PBRM1: variants seen among roughly 807,000 people sequenced by gnomAD.
PBRM1 encodes the protein polybromo 1.
Under a neutral mutation model 194.5 loss-of-function variants are expected in PBRM1, and 27 were observed. That is an observed-to-expected ratio of 0.14 (90% confidence interval 0.10 to 0.19). The LOEUF is 0.19. Ranked by LOEUF, PBRM1 falls within the 10% of genes least tolerant of loss-of-function variation. PBRM1 has a pLI of 1.00. For synonymous variants in PBRM1, 655 were observed against 693.2 expected (o/e 0.94, Z 0.87); for missense variants, 1,466 against 2,077.2 (o/e 0.71, Z 5.72).
In PBRM1 at chr3:52,548,025, T is replaced by G. The variant is rs780357089; in HGVS notation, c.*38A>C. 16 of 1,554,066 alleles carry G rather than the reference T, an allele frequency of 1.0e-5. No homozygotes were observed. The East Asian group carries it at 3.5e-4, about 34-fold the overall frequency. Reference sequence around the variant, plus strand: ...ACTAAAATGGCTACTGATCCACAACTCTTTATGCTTCTATATAAAAGAAAC... The same window carrying G: ...ACTAAAATGGCTACTGATCCACAACGCTTTATGCTTCTATATAAAAGAAAC... On this transcript the variant is annotated 3_prime_UTR_variant, in exon 30 of 30. Transcript: ENST00000296302.
chr3:52,611,099 G>A (rs952861708), intron 15 of PBRM1, among the ~76,000 whole-genome samples: 2 of 152,104 alleles, frequency 1.3e-5, no homozygotes, highest in African/African-American at 4.8e-5. Flanking sequence ...AAGGATGTTA[G>A]TAAACCAATA....
rs1359445433 is a variant in PBRM1, at chr3:52,608,961, G to A, written c.2567+352C>T. 4 of 211,776 alleles carry A rather than the reference G, an allele frequency of 1.9e-5. No individual in the cohort carries two copies. The East Asian group carries it at 4.9e-4, about 26-fold the overall frequency. The allele number at this position is 211,776 out of a possible 1,614,324, so 13.1% of individuals were successfully genotyped here. ...ATTTTATTTAAAGCATTCGTGCACT[G>A]AAGCCAAACCTTAAAAGAAAAACGC... On this transcript the variant is annotated intron_variant, in intron 16 of 29. Transcript: ENST00000296302.
intron 8 of PBRM1, among the ~76,000 whole-genome samples, chr3:52,644,019 C>T (rs1327536542): frequency 6.6e-6 from 1 of 151,646 alleles, no homozygotes. Context: ...CAGGATGAGA[C>T]TGGATCTCCT....
downstream of PBRM1, chr3:52,547,442 G>C (rs771323226): frequency 2.6e-5 from 6 of 233,302 alleles, no homozygotes; most frequent in African/African-American, 6.6e-5. Context: ...TGAGTTAATA[G>C]AGCAAATGTG....
intron 2 of PBRM1, among the ~76,000 whole-genome samples, chr3:52,675,097 A>G (rs1188564413): frequency 6.6e-6 from 1 of 152,230 alleles, no homozygotes; most frequent in African/African-American, 2.4e-5. Context: ...GAGTTCTAGG[A>G]AAACATGTAT....
At chr3:52,575,226 CCAAACAAACAAA>C (rs71084192) in intron 22 of PBRM1, among the ~76,000 whole-genome samples, 4 of 150,954 alleles carry the variant, frequency 2.6e-5, no homozygotes, top group African/African-American at 9.7e-5. Flanking sequence ...TTAAAACAAA[CCAAACAAACAAA>C]CAAACAAACA....
chr3:52,576,722 T>C, intron 21 of PBRM1, 24 bp from the exon 24 acceptor site: 1 of 1,540,146 alleles, frequency 6.5e-7, no homozygotes, highest in Non-Finnish European at 8.8e-7. Flanking sequence ...ATATATAAAT[T>C]ACATTAAAAT....
chr3:52,638,205 G>T (rs534293122), intron 10 of PBRM1, among the ~76,000 whole-genome samples: 91 of 152,178 alleles, frequency 6.0e-4, no homozygotes, highest in African/African-American at 2.0e-3. Flanking sequence ...ATTTTGTGCA[G>T]TTTTGATGTC....
At chr3:52,661,207 T>G (rs906035921) in intron 4 of PBRM1, among the ~76,000 whole-genome samples, 4 of 152,098 alleles carry the variant, frequency 2.6e-5, no homozygotes, top group African/African-American at 7.2e-5. Context: ...GTATTTTTGG[T>G]AGAGACAGGG....
intron 3 of PBRM1, among the ~76,000 whole-genome samples, chr3:52,664,706 C>T (rs1255142227): frequency 1.3e-5 from 2 of 151,438 alleles, no homozygotes; most frequent in Admixed American, 1.3e-4. Flanking sequence ...TGCACTCCAG[C>T]CTGGGCATCA....
intron 17 of PBRM1, among the ~76,000 whole-genome samples, chr3:52,600,955 T>C (rs561506591): frequency 6.6e-6 from 1 of 152,322 alleles, no homozygotes; most frequent in East Asian, 1.9e-4. Context: ...ACTTATCGAC[T>C]GAAATCTATT....
In PBRM1 at chr3:52,668,783, T is replaced by TA. The variant is rs143631943; in HGVS notation, c.237-139dup. ...TCTTTCATGGACTTTGAAGCTTACT[T>TA]AAAAAAAAAAAAAAAAGAAAAAAAT... is the stretch of plus-strand genomic sequence containing the variant. On this transcript the variant is annotated intron_variant, in intron 2 of 29. Coordinates refer to ENST00000296302, the Ensembl canonical transcript of PBRM1. The TA allele has an allele frequency of 0.44, 91,484 of 208,046 alleles. 20,611 individuals carry two copies. Among genetic ancestry groups the TA allele is most frequent in the South Asian group, 0.68 (3,192 of 4,668 alleles). The allele number at this position is 208,046 out of a possible 1,614,324, so 12.9% of individuals were successfully genotyped here.
chr3:52,564,055 G>A, exon 23 of PBRM1: 6 of 1,603,060 alleles, frequency 3.7e-6, no homozygotes, highest in Non-Finnish European at 5.1e-6. Context: ...TTTACCTGAA[G>A]TAGTAAATTT....
At chr3:52,605,851 C>T (rs1378942025) in intron 16 of PBRM1, among the ~76,000 whole-genome samples, 1 of 152,110 alleles carries the variant, frequency 6.6e-6, no homozygotes, top group African/African-American at 2.4e-5. Flanking sequence ...GATCCGCCCG[C>T]CGTGGCCTCC....
intron 17 of PBRM1, among the ~76,000 whole-genome samples, chr3:52,600,438 C>T (rs1385646953): frequency 6.6e-6 from 1 of 152,036 alleles, no homozygotes; most frequent in Non-Finnish European, 1.5e-5. Flanking sequence ...ATTTTTTCTG[C>T]TTGATATAGT....
chr3:52,662,409 T>C (rs941446968), intron 3 of PBRM1, 133 bp from the exon 5 acceptor site: 12 of 677,360 alleles, frequency 1.8e-5, no homozygotes, highest in Middle Eastern at 2.8e-4. Context: ...TTAAAACATA[T>C]ATGGGTCCAA....
chr3:52,655,136 C>T (rs1274890496), intron 5 of PBRM1, among the ~76,000 whole-genome samples: 2 of 152,006 alleles, frequency 1.3e-5, no homozygotes, highest in Non-Finnish European at 2.9e-5. Context: ...AGTTCTGTGG[C>T]ATGAGGTACA....
At chr3:52,598,571 T>C (rs1009142953) in intron 17 of PBRM1, among the ~76,000 whole-genome samples, 1 of 152,210 alleles carries the variant, frequency 6.6e-6, no homozygotes, top group Admixed American at 6.5e-5. Flanking sequence ...AATATACCAC[T>C]TTTTGGGCTT....
upstream of PBRM1, among the ~76,000 whole-genome samples, chr3:52,683,582 G>C (rs1029102008): frequency 6.6e-6 from 1 of 152,038 alleles, no homozygotes; most frequent in South Asian, 2.1e-4. Flanking sequence ...AGGAGGCTGA[G>C]GTGGGCAGAT....
Sources: gnomAD v4.1 joint callset for allele counts (sites outside exome capture counted in the v4.1 genomes callset) on GRCh38, gnomAD v4.1.1 for gene constraint, MANE v1.5 for transcripts, NCBI Gene and HGNC (gene_info 2026-07-23, HGNC 2026-07-21) for gene names.